Variants in EXD1 observed in about 807,000 individuals in gnomAD.
EXD1 encodes the protein exonuclease 3'-5' domain containing 1.
A neutral mutation model predicts 49.1 loss-of-function variants in EXD1; 63 were observed. That is an observed-to-expected ratio of 1.28 (90% CI 1.05 to 1.58). The LOEUF (loss-of-function observed/expected upper bound fraction) is 1.58. EXD1 is among the 40% of genes most tolerant of loss of function. EXD1 has a pLI of 0.00. For synonymous variants in EXD1, 234 were observed against 239.2 expected, an observed-to-expected ratio of 0.98 and a Z score of 0.20; for missense variants, 748 against 666.0, an observed-to-expected ratio of 1.12 and a Z score of -1.36.
rs1211653213 is a variant in EXD1, at chr15:41,199,867, G to A, written c.535-3830C>T. Among the ~76,000 whole-genome samples, 373 of 142,666 alleles carry A rather than the reference G, an allele frequency of 2.6e-3. 2 individuals are homozygous for A. The highest frequency in any genetic ancestry group is 9.1e-3 in the African/African-American group (352 of 38,662). 93.6% of individuals were successfully genotyped at this position (142,666 alleles called of 152,430 possible). ...ATATAATATGTCATATATATGATCT[G>A]TATATATATCATATATATATGATAT... On this transcript the variant is annotated intron_variant, in intron 7 of 11. Coordinates refer to ENST00000458580, the MANE Select transcript of EXD1 (RefSeq NM_001286441.2).
At chr15:41,192,265 C>G (rs147481258) in intron 9 of EXD1, 9 of 152,690 alleles carry the variant, frequency 5.9e-5, no homozygotes, top group African/African-American at 2.2e-4. Context: ...TCACACCCAG[C>G]AACCCAACTT....
intron 2 of EXD1, among the ~76,000 whole-genome samples, chr15:41,222,377 A>G (rs1433234826): frequency 6.6e-6 from 1 of 151,990 alleles, no homozygotes; most frequent in Non-Finnish European, 1.5e-5. Flanking sequence ...ATCCCTCCCA[A>G]AGTGCTGAGA....
chr15:41,230,040 G>T (rs1179017040), intron 1 of EXD1, among the ~76,000 whole-genome samples: 1 of 150,610 alleles, frequency 6.6e-6, no homozygotes, highest in African/African-American at 2.5e-5. Context: ...GTAAGAACTG[G>T]TTCACCTGAG....
At chr15:41,205,686 C>T (rs749826300) in intron 7 of EXD1, among the ~76,000 whole-genome samples, 15 of 138,076 alleles carry the variant, frequency 1.1e-4, no homozygotes, top group Non-Finnish European at 2.2e-4. Flanking sequence ...AGTGAGACCC[C>T]GTCTCAAAAA....
chr15:41,202,574 C>G (rs1324758158), intron 7 of EXD1, among the ~76,000 whole-genome samples: 1 of 152,072 alleles, frequency 6.6e-6, no homozygotes, highest in African/African-American at 2.4e-5. Flanking sequence ...CCTGGGGGCT[C>G]AAGAGATCCT....
intron 7 of EXD1, among the ~76,000 whole-genome samples, chr15:41,208,922 C>T (rs1276975882): frequency 6.6e-6 from 1 of 151,742 alleles, no homozygotes; most frequent in Non-Finnish European, 1.5e-5. Flanking sequence ...TGGGAAAGAC[C>T]TCCAGCAGAG....
intron 5 of EXD1, 94 bp from the exon 6 acceptor site, chr15:41,215,927 T>C: frequency 7.9e-7 from 1 of 1,260,070 alleles, no homozygotes; most frequent in South Asian, 1.2e-5. Context: ...ATTCCTACTG[T>C]ATTGCAACTC....
At chr15:41,215,271 G>A (rs77935901) in intron 6 of EXD1, among the ~76,000 whole-genome samples, 24,423 of 151,972 alleles carry the variant, frequency 0.16, 3,589 homozygotes, top group African/African-American at 0.39. Context: ...CCTTGAGGGC[G>A]GGAACTTTGT....
At chr15:41,188,394 TC>T (rs2140804290) in intron 11 of EXD1, among the ~76,000 whole-genome samples, 1 of 148,174 alleles carries the variant, frequency 6.7e-6, no homozygotes, top group Non-Finnish European at 1.5e-5. Flanking sequence ...TCATTTCTTG[TC>T]TTTTCTTTTC....
intron 10 of EXD1, among the ~76,000 whole-genome samples, chr15:41,191,183 C>A (rs1305698501): frequency 6.6e-6 from 1 of 152,196 alleles, no homozygotes; most frequent in African/African-American, 2.4e-5. Context: ...GCCTCAGCCT[C>A]CCAAAGTGTT....
At position 41,230,694 on chromosome 15, in the gene EXD1, CCGCGACGCCGGGGACACACGCCGCAGA is replaced by C. The variant is rs1411687472; in HGVS notation, c.-296_-270del. The stretch of plus-strand genomic sequence containing the variant: ...ACAGGCTGAAAACCTGGAGAAAGGT[CCGCGACGCCGGGGACACACGCCGCAGA>C]GGCGACGCCCGCCCGGCCCAACGTC... On this transcript the variant is annotated 5_prime_UTR_variant, in exon 1 of 12. Coordinates refer to ENST00000458580, the MANE Select transcript of EXD1 (RefSeq NM_001286441.2). 8 of 795,750 alleles carry C rather than the reference CCGCGACGCCGGGGACACACGCCGCAGA, an allele frequency of 1.0e-5. No homozygotes were observed. Among genetic ancestry groups the C allele is most frequent in the African/African-American group, 1.8e-5 (1 of 56,976 alleles). 49.3% of individuals were successfully genotyped at this position (795,750 alleles called of 1,614,324 possible).
intron 7 of EXD1, among the ~76,000 whole-genome samples, chr15:41,201,591 G>C (rs185666148): frequency 6.7e-6 from 1 of 148,572 alleles, no homozygotes; most frequent in East Asian, 2.0e-4. Context: ...CTAGGTTCAA[G>C]CAATTCTCCT....
At chr15:41,216,523 A>G (rs1013738846) in intron 5 of EXD1, 145 bp downstream of exon 5, 4 of 803,066 alleles carry the variant, frequency 5.0e-6, no homozygotes, top group Admixed American at 3.0e-5. Flanking sequence ...CACAGCTACT[A>G]TGGAGGCAGA....
At chr15:41,230,413 A>T (rs1336235214) in intron 1 of EXD1, 66 bp downstream of exon 1, 1 of 1,529,624 alleles carries the variant, frequency 6.5e-7, no homozygotes, top group African/African-American at 1.4e-5. Flanking sequence ...ACAATACACC[A>T]TGAGAATAAA....
intron 6 of EXD1, among the ~76,000 whole-genome samples, chr15:41,209,948 G>C (rs138805232): frequency 6.6e-6 from 1 of 152,240 alleles, no homozygotes; most frequent in Non-Finnish European, 1.5e-5. Context: ...CACTCTTGTT[G>C]CTAGGCTGGA....
chr15:41,226,001 G>A (rs1190149082), intron 2 of EXD1, among the ~76,000 whole-genome samples: 4 of 152,078 alleles, frequency 2.6e-5, no homozygotes, highest in Admixed American at 6.6e-5. Context: ...ACCTGTAATC[G>A]CAGAACTTTG....
intron 1 of EXD1, among the ~76,000 whole-genome samples, chr15:41,228,662 A>G (rs912893995): frequency 1.9e-4 from 29 of 152,108 alleles, no homozygotes; most frequent in Non-Finnish European, 3.1e-4. Context: ...AATACATAAA[A>G]CTGGAAAAAG....
intron 2 of EXD1, among the ~76,000 whole-genome samples, chr15:41,222,138 G>C (rs1348538973): frequency 6.6e-6 from 1 of 152,008 alleles, no homozygotes; most frequent in African/African-American, 2.4e-5. Context: ...AACGGGGCCA[G>C]GCACGGTGGC....
At position 41,191,442 on chromosome 15, in the gene EXD1, C is replaced by T. The variant is rs7168916; in HGVS notation, c.864G>A (p.Gln288=). The change falls in exon 10 of 12, where the codon CAG becomes CAA. Residue 288 remains glutamine (Q), a splice_region_variant and synonymous_variant. Coordinates refer to ENST00000458580, the MANE Select transcript of EXD1 (RefSeq NM_001286441.2). The part of the protein sequence containing the change: ...SFLEKRQKLI[Q]ENPEVWFIRP... ...CATACAGGACATCCTTTACACCCACCTGAATTAGTTTTTGTCTCTTTTCTA... is the reference window on the plus strand; with the variant it reads ...CATACAGGACATCCTTTACACCCACTTGAATTAGTTTTTGTCTCTTTTCTA... 8,632 of 1,607,072 alleles carry T rather than the reference C, an allele frequency of 5.4e-3. 271 individuals are homozygous for T. In the African/African-American group the frequency reaches 0.081, roughly 15 times the overall value.
Sources: allele counts gnomAD v4.1 joint callset (sites outside exome capture counted in the v4.1 genomes callset), GRCh38; gene constraint gnomAD v4.1.1; transcripts MANE v1.5; gene names NCBI Gene and HGNC (gene_info 2026-07-23, HGNC 2026-07-21).